EDIL3: variants seen among roughly 807,000 people sequenced by gnomAD.
EDIL3 encodes EGF-like repeat and discoidin I-like domain-containing protein 3.
EDIL3 carries 37 observed loss-of-function variants against 67.4 expected under a neutral mutation model. The observed-to-expected ratio is 0.55, with a 90% CI of 0.42 to 0.72. EDIL3 has a LOEUF of 0.72. Ranked by LOEUF, EDIL3 falls within the 30% of genes least tolerant of loss-of-function variation. EDIL3 has a pLI of 0.00. For synonymous variants in EDIL3, 195 were observed against 196.3 expected, an observed-to-expected ratio of 0.99 and a Z score of 0.05; for missense variants, 527 against 586.3, an observed-to-expected ratio of 0.90 and a Z score of 1.04.
Position 84,214,727 on chromosome 5 carries a change from T to G in EDIL3, c.226+15128A>C, listed in dbSNP as rs185981610. Among the ~76,000 whole-genome samples, 333 of 152,208 alleles carry G rather than the reference T, an allele frequency of 2.2e-3. 7 individuals are homozygous for G. Among genetic ancestry groups the G allele is most frequent in the East Asian group, 2.1e-3 (11 of 5,184 alleles). ...AGGAAGAACTAAGTGTGGTTTGTTTTTTTTTTTAGAGACAGAGTCTTGCTA... is the reference window on the plus strand; with the variant it reads ...AGGAAGAACTAAGTGTGGTTTGTTTGTTTTTTTAGAGACAGAGTCTTGCTA... On this transcript the variant is annotated intron_variant, in intron 3 of 10. Coordinates refer to ENST00000296591, the MANE Select transcript of EDIL3 (RefSeq NM_005711.5).
intron 4 of EDIL3, among the ~76,000 whole-genome samples, chr5:84,170,151 T>C (rs1200645624): frequency 6.6e-6 from 1 of 152,170 alleles, no homozygotes; most frequent in Admixed American, 6.5e-5. Context: ...AGAAATGATA[T>C]TGCAAAATGG....
chr5:83,946,991 T>A (rs1176963079), intron 10 of EDIL3, among the ~76,000 whole-genome samples: 1 of 151,886 alleles, frequency 6.6e-6, no homozygotes, highest in Non-Finnish European at 1.5e-5. Context: ...TTCTAAGCAT[T>A]TTTAGATAGA....
intron 1 of EDIL3, among the ~76,000 whole-genome samples, chr5:84,291,486 C>T (rs947654359): frequency 6.6e-6 from 1 of 151,618 alleles, no homozygotes; most frequent in Non-Finnish European, 1.5e-5. Context: ...AATAATATGA[C>T]GGTGTGTGTG....
At chr5:84,337,409 C>T (rs1368672727) in intron 1 of EDIL3, among the ~76,000 whole-genome samples, 1 of 152,084 alleles carries the variant, frequency 6.6e-6, no homozygotes, top group African/African-American at 2.4e-5. Context: ...ATTTCCTGTA[C>T]TCTGTTACAA....
chr5:84,205,383 C>T (rs1249040522), intron 3 of EDIL3, among the ~76,000 whole-genome samples: 3 of 151,966 alleles, frequency 2.0e-5, no homozygotes, highest in South Asian at 2.1e-4. Context: ...ATGTGATAAG[C>T]CAGAAAAACA....
intron 3 of EDIL3, among the ~76,000 whole-genome samples, chr5:84,213,387 A>C (rs113398866): frequency 9.2e-5 from 14 of 152,314 alleles, no homozygotes; most frequent in Admixed American, 3.3e-4. Flanking sequence ...ACACTTAAAC[A>C]CTAAATTATG....
chr5:84,322,322 G>T (rs188911157), intron 1 of EDIL3, among the ~76,000 whole-genome samples: 1 of 151,924 alleles, frequency 6.6e-6, no homozygotes, highest in East Asian at 1.9e-4. Flanking sequence ...TTTAAGATAT[G>T]GAGTCAAGAA....
At chr5:84,035,032 T>C (rs1476048664) in intron 9 of EDIL3, among the ~76,000 whole-genome samples, 1 of 152,168 alleles carries the variant, frequency 6.6e-6, no homozygotes, top group East Asian at 1.9e-4. Context: ...AAGACCATAC[T>C]GATGTTTTTT....
At chr5:84,347,128 A>T (rs1436547998) in intron 1 of EDIL3, among the ~76,000 whole-genome samples, 1 of 152,202 alleles carries the variant, frequency 6.6e-6, no homozygotes, top group Non-Finnish European at 1.5e-5. Flanking sequence ...TATATTTAGG[A>T]GGCCAGAGAT....
intron 9 of EDIL3, among the ~76,000 whole-genome samples, chr5:84,041,034 G>A (rs757206214): frequency 6.6e-6 from 1 of 152,032 alleles, no homozygotes; most frequent in Non-Finnish European, 1.5e-5. Flanking sequence ...GGGAGTCTGA[G>A]GTAGGAGGAT....
chr5:84,162,691 AAGATAAC>A (rs1337971354), intron 4 of EDIL3, among the ~76,000 whole-genome samples: 5 of 152,118 alleles, frequency 3.3e-5, no homozygotes, highest in Non-Finnish European at 2.9e-5. Context: ...TTGGGCTCCC[AAGATAAC>A]AGAGCTTCTT....
chr5:84,108,466 T>C (rs377544349), intron 5 of EDIL3, among the ~76,000 whole-genome samples: 35 of 152,148 alleles, frequency 2.3e-4, no homozygotes, highest in African/African-American at 7.2e-4. Context: ...TTTATGAAAG[T>C]ATACTATATC....
At chr5:84,159,901 A>T (rs1230793814) in intron 4 of EDIL3, among the ~76,000 whole-genome samples, 2 of 152,206 alleles carry the variant, frequency 1.3e-5, no homozygotes, top group East Asian at 3.9e-4. Context: ...ACATATAATT[A>T]CTTTGGCACT....
chr5:84,001,932 A>G (rs1383090258), intron 9 of EDIL3, among the ~76,000 whole-genome samples: 1 of 152,102 alleles, frequency 6.6e-6, no homozygotes, highest in Non-Finnish European at 1.5e-5. Context: ...CCAGACACCA[A>G]AACCAAAGAC....
intron 9 of EDIL3, among the ~76,000 whole-genome samples, chr5:83,977,712 T>G (rs1327932275): frequency 1.3e-5 from 2 of 151,824 alleles, no homozygotes; most frequent in African/African-American, 4.8e-5. Context: ...GGCATAAAGA[T>G]GTTTATATTA....
At chr5:84,317,200 AC>A (rs571219125) in intron 1 of EDIL3, among the ~76,000 whole-genome samples, 4 of 152,186 alleles carry the variant, frequency 2.6e-5, no homozygotes, top group Non-Finnish European at 5.9e-5. Context: ...AATTAAAAGA[AC>A]TAGAAAATCA....
intron 10 of EDIL3, among the ~76,000 whole-genome samples, chr5:83,954,995 C>A (rs759137603): frequency 4.0e-4 from 60 of 151,734 alleles, no homozygotes; most frequent in Admixed American, 1.8e-3. Flanking sequence ...AATCGCTAAT[C>A]AATATTTTTA....
At chr5:84,287,083 A>G (rs1745820896) in intron 1 of EDIL3, among the ~76,000 whole-genome samples, 1 of 152,178 alleles carries the variant, frequency 6.6e-6, no homozygotes, top group Non-Finnish European at 1.5e-5. Context: ...ACAGCCACAT[A>G]ATGGGAGATG....
At position 83,943,335 on chromosome 5, in the gene EDIL3, A is replaced by G. The variant is rs1032897748; in HGVS notation, c.*84T>C. 5.7e-5 allele frequency: 88 copies of G among 1,532,470 alleles called. No individual in the cohort carries two copies. Among genetic ancestry groups the G allele is most frequent in the Non-Finnish European group, 7.4e-5 (84 of 1,133,306 alleles). The allele number at this position is 1,532,470 out of a possible 1,614,324, so 94.9% of individuals were successfully genotyped here. ...CATGAAAAAAAAAAAAAAACCATTC[A>G]GTTTCCTACAGATTTTGCACAGTTC... is the stretch of plus-strand genomic sequence containing the variant. On this transcript the variant is annotated 3_prime_UTR_variant, in exon 11 of 11. Coordinates refer to ENST00000296591, the MANE Select transcript of EDIL3 (RefSeq NM_005711.5).
Sources: allele counts gnomAD v4.1 joint callset (sites outside exome capture counted in the v4.1 genomes callset), GRCh38; gene constraint gnomAD v4.1.1; transcripts MANE v1.5; gene names NCBI Gene and HGNC (gene_info 2026-07-23, HGNC 2026-07-21).